Variants in ADCY9 observed in about 807,000 individuals in gnomAD.
ADCY9 encodes adenylate cyclase 9, also known as adenylate cyclase type 9.
Under a neutral mutation model 101.5 loss-of-function variants are expected in ADCY9, and 50 were observed. The ratio of observed to expected loss-of-function variants is 0.49; its 90% CI spans 0.39 to 0.62. ADCY9 has a LOEUF of 0.62. ADCY9 is among the 20% of genes least tolerant of loss of function. ADCY9 has a pLI of 0.00. For synonymous variants in ADCY9, 905 were observed against 769.3 expected, an observed-to-expected ratio of 1.18 and a Z score of -2.92; for missense variants, 1,662 against 1,800.4, an observed-to-expected ratio of 0.92 and a Z score of 1.39.
At position 4,114,322 on chromosome 16, in the gene ADCY9, G is replaced by A. The variant is rs769550957; in HGVS notation, c.1121C>T (p.Ser374Phe). The A allele has an allele frequency of 1.2e-5, 19 of 1,613,818 alleles. No homozygotes were observed. In the Admixed American group the frequency reaches 2.8e-4, roughly 24 times the overall value. The part of the protein sequence containing the change: ...SSPKNRKKKS[S>F]IQKAPIAFRP... ...GAAGGCTATAGGAGCTTTTTGGATGGAAGACTTTTTCTTCCTGTTCTTGGG... is the reference window on the plus strand; with the variant it reads ...GAAGGCTATAGGAGCTTTTTGGATGAAAGACTTTTTCTTCCTGTTCTTGGG... The change falls in exon 2 of 11, where the codon TCC becomes TTC. Residue 374 changes from serine to phenylalanine, a missense_variant. Ser to Phe is a radical substitution (Grantham distance 155). Coordinates refer to ENST00000294016, the MANE Select transcript of ADCY9 (RefSeq NM_001116.4). This position sits in a 1 kb window ranked among gnomAD's most constrained non-coding sequence, Gnocchi z 4.3.
At chr16:3,987,191 G>A (rs916562622) in intron 6 of ADCY9, among the ~76,000 whole-genome samples, 9 of 152,204 alleles carry the variant, frequency 5.9e-5, no homozygotes, top group South Asian at 2.1e-4. Context: ...TTGGTGCCTC[G>A]CCGTGTGCTG....
At chr16:4,111,377 G>A (rs1052005974) in intron 2 of ADCY9, among the ~76,000 whole-genome samples, 8 of 152,152 alleles carry the variant, frequency 5.3e-5, no homozygotes, top group East Asian at 3.9e-4. Flanking sequence ...TTCTCTTCCC[G>A]GGTTCAAACA....
At chr16:3,957,687 G>A (rs537623276), downstream of ADCY9, among the ~76,000 whole-genome samples, 11 of 152,094 alleles carry the variant, frequency 7.2e-5, no homozygotes, top group Non-Finnish European at 1.5e-4. Context: ...CTAGAAAGCC[G>A]TGGAGAATAC....
intron 2 of ADCY9, among the ~76,000 whole-genome samples, chr16:4,075,428 C>T (rs909127092): frequency 6.6e-6 from 1 of 152,166 alleles, no homozygotes; most frequent in Non-Finnish European, 1.5e-5. Context: ...CATGAGCCAC[C>T]GTGCCTGGCC....
rs147642658 is a variant in ADCY9 at position 3,974,142 on chromosome 16, C to T, written c.2870+527G>A. Reference sequence around the variant, plus strand: ...CTGCAAGCTCCGCCTCCCGGGTTCACGCCATTCTCCCGCCTCAGCCTCCTG... The same window carrying T: ...CTGCAAGCTCCGCCTCCCGGGTTCATGCCATTCTCCCGCCTCAGCCTCCTG... On this transcript the variant is annotated intron_variant, in intron 10 of 10. Transcript: ENST00000294016. Among the ~76,000 whole-genome samples, 1,147 of 152,220 alleles carry T rather than the reference C, an allele frequency of 7.5e-3. 10 individuals carry two copies. The highest frequency in any genetic ancestry group is 0.024 in the East Asian group (126 of 5,162).
downstream of ADCY9, among the ~76,000 whole-genome samples, chr16:3,959,638 A>G (rs1460411906): frequency 6.6e-6 from 1 of 152,226 alleles, no homozygotes; most frequent in Non-Finnish European, 1.5e-5. Context: ...AATTCAACTA[A>G]CATATTTGTG....
chr16:4,039,722 G>C (rs1447862382), intron 2 of ADCY9, among the ~76,000 whole-genome samples: 1 of 143,414 alleles, frequency 7.0e-6, no homozygotes, highest in Non-Finnish European at 1.5e-5. Flanking sequence ...ACCCTTGAAA[G>C]TTAAAATTTT....
intron 2 of ADCY9, among the ~76,000 whole-genome samples, chr16:4,016,844 T>C (rs76976273): frequency 6.6e-6 from 1 of 152,308 alleles, no homozygotes; most frequent in East Asian, 1.9e-4. Context: ...GTGTAACTGC[T>C]AACGGATGCA....
chr16:4,030,012 C>T (rs112010983), intron 2 of ADCY9, among the ~76,000 whole-genome samples: 3 of 152,096 alleles, frequency 2.0e-5, no homozygotes, highest in Admixed American at 1.3e-4. Flanking sequence ...GCAGAGCCAC[C>T]CACAGGAACC....
At chr16:3,985,808 A>T (rs2056187397) in intron 6 of ADCY9, among the ~76,000 whole-genome samples, 1 of 152,080 alleles carries the variant, frequency 6.6e-6, no homozygotes, top group Admixed American at 6.5e-5. Flanking sequence ...TACTTGCCAG[A>T]GACACCTGTC....
At chr16:3,993,192 C>G (rs973014487) in intron 4 of ADCY9, among the ~76,000 whole-genome samples, 10 of 152,216 alleles carry the variant, frequency 6.6e-5, no homozygotes, top group African/African-American at 2.4e-4. Context: ...CCGCCCAGCT[C>G]AGCCCCTGAG....
intron 2 of ADCY9, among the ~76,000 whole-genome samples, chr16:4,063,995 C>T (rs1483470896): frequency 6.6e-6 from 1 of 152,016 alleles, no homozygotes; most frequent in African/African-American, 2.4e-5. Context: ...GATTGGAAAA[C>T]AAGTAAAACT....
At chr16:3,996,121 G>T (rs1296264549) in intron 3 of ADCY9, among the ~76,000 whole-genome samples, 1 of 152,160 alleles carries the variant, frequency 6.6e-6, no homozygotes, top group Non-Finnish European at 1.5e-5. Context: ...AGAACTTTGG[G>T]AGGCCGAAGC....
chr16:4,045,368 G>A (rs1054223726), intron 2 of ADCY9, among the ~76,000 whole-genome samples: 1 of 151,932 alleles, frequency 6.6e-6, no homozygotes. Context: ...AGGCCAAGAC[G>A]GGCAGATCAC....
At chr16:3,974,771 A>C in intron 9 of ADCY9, 61 bp from the exon 10 acceptor site, 1 of 1,364,292 alleles carries the variant, frequency 7.3e-7, no homozygotes, top group Non-Finnish European at 1.0e-6. Context: ...CCACAAGGCA[A>C]CCTGAGAAGA....
At chr16:3,969,193 A>C (rs1057066436) in intron 10 of ADCY9, among the ~76,000 whole-genome samples, 1 of 152,132 alleles carries the variant, frequency 6.6e-6, no homozygotes, top group African/African-American at 2.4e-5. Flanking sequence ...TGATGGAGAC[A>C]GCCATGGTCA....
intron 9 of ADCY9, among the ~76,000 whole-genome samples, chr16:3,976,606 G>T (rs1231096406): frequency 6.6e-6 from 1 of 152,138 alleles, no homozygotes; most frequent in Non-Finnish European, 1.5e-5. Context: ...TCAGTGACTG[G>T]TCATTAATCC....
rs1167591871 is a variant in ADCY9, at chr16:3,977,533, A to G, written c.2777T>C (p.Val926Ala). ...SSWMRSSLAT[V>A]VGAGPLLLLY... Reference sequence around the variant, plus strand: ...CAGGAGCAGCGGCCCGGCCCCCACGACGGTGGCGAGGGAGGACCTCATCCA... The same window carrying G: ...CAGGAGCAGCGGCCCGGCCCCCACGGCGGTGGCGAGGGAGGACCTCATCCA... Residue 926 changes from valine to alanine, a missense_variant, in exon 9 of 11, where the codon GTC becomes GCC. Transcript: ENST00000294016. 6.3e-7 allele frequency: 1 copy of G among 1,599,204 alleles called. No homozygotes were observed.
At chr16:4,093,921 G>A (rs755530035) in intron 2 of ADCY9, among the ~76,000 whole-genome samples, 1 of 152,130 alleles carries the variant, frequency 6.6e-6, no homozygotes, top group Admixed American at 6.6e-5. Flanking sequence ...ACTTCTCCCA[G>A]GAGTCTATGG....
Sources: allele counts gnomAD v4.1 joint callset (sites outside exome capture counted in the v4.1 genomes callset), GRCh38; gene constraint gnomAD v4.1.1; non-coding constraint Gnocchi (gnomAD v3.1); transcripts MANE v1.5; gene names NCBI Gene and HGNC (gene_info 2026-07-23, HGNC 2026-07-21).